Variants in ADGRV1 observed in about 807,000 individuals in gnomAD.
ADGRV1 encodes G-protein coupled receptor 98.
A neutral mutation model predicts 596.2 loss-of-function variants in ADGRV1; 359 were observed. That is an observed-to-expected ratio of 0.60 (90% CI 0.55 to 0.66). The LOEUF is 0.66. Among genes scored for constraint, ADGRV1 ranks in the 30% least tolerant of loss-of-function variants. The probability of loss-of-function intolerance (pLI) is 0.00; values close to 1 mark genes in which losing one functional copy is unlikely to be tolerated. For synonymous variants in ADGRV1, 2,681 were observed against 2,679.2 expected (o/e 1.00, Z -0.02); for missense variants, 7,274 against 7,575.6 (o/e 0.96, Z 1.48).
intron 84 of ADGRV1, among the ~76,000 whole-genome samples, chr5:90,971,066 CT>C (rs1476059592): frequency 6.6e-6 from 1 of 152,146 alleles, no homozygotes; most frequent in Non-Finnish European, 1.5e-5. Flanking sequence ...ATGCACAAGC[CT>C]CCGTAGCCGA....
intron 87 of ADGRV1, among the ~76,000 whole-genome samples, chr5:91,116,754 T>C (rs1021037458): frequency 2.0e-5 from 3 of 152,216 alleles, no homozygotes; most frequent in African/African-American, 2.4e-5. Context: ...TTGGGACATG[T>C]TGGGCCAGTA....
chr5:90,589,375 A>G (rs1027266167), intron 1 of ADGRV1, among the ~76,000 whole-genome samples: 1 of 152,192 alleles, frequency 6.6e-6, no homozygotes, highest in Admixed American at 6.5e-5. Flanking sequence ...TTCAAAGGTA[A>G]GTTTTAGGTA....
intron 83 of ADGRV1, among the ~76,000 whole-genome samples, chr5:90,884,681 A>G (rs1466599957): frequency 6.6e-6 from 1 of 152,118 alleles, no homozygotes. Context: ...TACTAGTTTC[A>G]ACTTTTTGTA....
At chr5:90,623,825 G>A (rs1042784590) in intron 5 of ADGRV1, among the ~76,000 whole-genome samples, 15 of 152,152 alleles carry the variant, frequency 9.9e-5, no homozygotes, top group African/African-American at 3.1e-4. Context: ...TAAGCTGTAG[G>A]TGAGGTGTAT....
intron 1 of ADGRV1, among the ~76,000 whole-genome samples, chr5:90,561,795 A>G (rs1754869372): frequency 6.6e-6 from 1 of 152,172 alleles, no homozygotes; most frequent in African/African-American, 2.4e-5. Flanking sequence ...CTTCTTAGAT[A>G]ATTATTTAAT....
intron 83 of ADGRV1, among the ~76,000 whole-genome samples, chr5:90,887,053 T>C (rs534159368): frequency 6.6e-6 from 1 of 152,302 alleles, no homozygotes; most frequent in East Asian, 1.9e-4. Flanking sequence ...AAAGATGTCA[T>C]GCGTGTCCTC....
At chr5:90,849,271 G>A (rs1180338792) in intron 79 of ADGRV1, among the ~76,000 whole-genome samples, 2 of 152,108 alleles carry the variant, frequency 1.3e-5, no homozygotes, top group Admixed American at 6.5e-5. Context: ...AAGCTAGCAA[G>A]AGGAAAAGGA....
Position 91,164,301 on chromosome 5 carries a change from C to A in ADGRV1, c.*401C>A, listed in dbSNP as rs1797191562. ...AACTCTATATGTAGATGATGACAAG[C>A]ACCCTGTGCCATCTTGCATGAATCC... On this transcript the variant is annotated 3_prime_UTR_variant, in exon 90 of 90. Coordinates refer to ENST00000405460, the MANE Select transcript of ADGRV1 (RefSeq NM_032119.4). 3.6e-6 allele frequency: 1 copy of A among 281,614 alleles called. No individual in the cohort carries two copies. The highest frequency in any genetic ancestry group is 7.1e-6 in the Non-Finnish European group (1 of 141,576). 17.4% of individuals were successfully genotyped at this position (281,614 alleles called of 1,614,324 possible).
intron 57 of ADGRV1, 33 bp from the exon 58 acceptor site, chr5:90,759,376 C>T: frequency 2.1e-6 from 3 of 1,401,462 alleles, no homozygotes; most frequent in South Asian, 1.3e-5. Flanking sequence ...CTTTTCCTCC[C>T]TCTCTTTCTC....
intron 52 of ADGRV1, among the ~76,000 whole-genome samples, chr5:90,748,133 C>T (rs1754830578): frequency 6.6e-6 from 1 of 152,118 alleles, no homozygotes. Context: ...ATAGGAAGAG[C>T]AGGTTTAGGG....
chr5:90,643,466 A>T (rs1006446426), intron 13 of ADGRV1, among the ~76,000 whole-genome samples: 11 of 152,166 alleles, frequency 7.2e-5, no homozygotes, highest in African/African-American at 2.7e-4. Context: ...TATTATGCTT[A>T]CTCACCAATA....
At chr5:90,948,519 C>A (rs1195670669) in intron 83 of ADGRV1, among the ~76,000 whole-genome samples, 1 of 152,012 alleles carries the variant, frequency 6.6e-6, no homozygotes, top group Non-Finnish European at 1.5e-5. Context: ...CACATGGTAT[C>A]CTATGACCCT....
intron 87 of ADGRV1, among the ~76,000 whole-genome samples, chr5:91,125,808 G>A (rs1252975349): frequency 6.6e-6 from 1 of 152,192 alleles, no homozygotes; most frequent in Non-Finnish European, 1.5e-5. Flanking sequence ...GCACTATTTT[G>A]AGGTATATCA....
chr5:91,124,765 G>A (rs189711994), intron 87 of ADGRV1, among the ~76,000 whole-genome samples: 20 of 152,216 alleles, frequency 1.3e-4, no homozygotes, highest in Middle Eastern at 6.8e-3. Context: ...AAAAATTTTA[G>A]ATTGATTTAT....
intron 74 of ADGRV1, 115 bp downstream of exon 74, chr5:90,811,453 GA>G: frequency 4.0e-6 from 4 of 998,150 alleles, no homozygotes; most frequent in Non-Finnish European, 5.7e-6. Flanking sequence ...TTATTCATAG[GA>G]ATGCATTAAA....
At chr5:91,019,202 TATG>T (rs1783425043) in intron 85 of ADGRV1, among the ~76,000 whole-genome samples, 1 of 151,970 alleles carries the variant, frequency 6.6e-6, no homozygotes, top group Non-Finnish European at 1.5e-5. Flanking sequence ...TGAGGTCAGT[TATG>T]ATGAAATCAC....
chr5:90,776,390 C>T, intron 60 of ADGRV1, 63 bp from the exon 61 acceptor site: 1 of 1,502,074 alleles, frequency 6.7e-7, no homozygotes. Context: ...AGAAAGTTTC[C>T]AGGCATATAC....
intron 86 of ADGRV1, among the ~76,000 whole-genome samples, chr5:91,082,810 C>G (rs549560649): frequency 6.6e-6 from 1 of 152,258 alleles, no homozygotes; most frequent in Admixed American, 6.5e-5. Context: ...CTCCCAGGTT[C>G]TTACCTGTAT....
chr5:90,932,272 G>A (rs903214779), intron 83 of ADGRV1, among the ~76,000 whole-genome samples: 4 of 151,932 alleles, frequency 2.6e-5, no homozygotes, highest in Non-Finnish European at 4.4e-5. Context: ...ATCTCATCAC[G>A]TCTACATTGA....
Sources: allele counts gnomAD v4.1 joint callset (sites outside exome capture counted in the v4.1 genomes callset), GRCh38; gene constraint gnomAD v4.1.1; transcripts MANE v1.5; gene names NCBI Gene and HGNC (gene_info 2026-07-23, HGNC 2026-07-21).